FSIP2: variants seen among roughly 807,000 people sequenced by gnomAD.
FSIP2 encodes fibrous sheath-interacting protein 2.
In FSIP2, 367 loss-of-function variants were observed where a neutral mutation model predicts 510.5. The ratio of observed to expected loss-of-function variants is 0.72; its 90% CI spans 0.66 to 0.78. FSIP2 has a LOEUF of 0.78. Among genes scored for constraint, FSIP2 ranks in the 30% least tolerant of loss-of-function variants. The pLI is 0.00. For synonymous variants in FSIP2, 2,601 were observed against 2,732.2 expected, an observed-to-expected ratio of 0.95 and a Z score of 1.50; for missense variants, 7,594 against 7,901.7, an observed-to-expected ratio of 0.96 and a Z score of 1.48.
At chr2:185,785,248 C>A (rs917036938) in intron 14 of FSIP2, among the ~76,000 whole-genome samples, 1 of 152,034 alleles carries the variant, frequency 6.6e-6, no homozygotes, top group Non-Finnish European at 1.5e-5. Context: ...GAGAACATGT[C>A]ACTGACATCA....
chr2:185,756,252 AC>A lies in FSIP2; in HGVS notation c.1054del (p.Gln352ArgfsTer44). On this transcript the variant is annotated frameshift_variant, in exon 9 of 23. Coordinates refer to ENST00000424728, the MANE Select transcript of FSIP2 (RefSeq NM_173651.4). LOFTEE classifies it high-confidence loss of function. ...EDIMLVYPAGDQNTYKETHGH... is the reference protein window; with the variant it reads ...EDIMLVYPAGXQNTYKETHGH... Reference sequence around the variant, plus strand: ...ATAATGTTAGTTTATCCTGCTGGAGACCAGAATACATATAAAGAAACACATG... The same window carrying A: ...ATAATGTTAGTTTATCCTGCTGGAGACAGAATACATATAAAGAAACACATG... 1 of 1,315,624 alleles carries A rather than the reference AC, an allele frequency of 7.6e-7. No individual in the cohort carries two copies. Among genetic ancestry groups the A allele is most frequent in the Non-Finnish European group, 1.0e-6 (1 of 968,064 alleles). 81.5% of individuals were successfully genotyped at this position (1,315,624 alleles called of 1,614,324 possible).
At chr2:185,753,605 C>T (rs1052470736) in intron 7 of FSIP2, 117 bp from the exon 8 acceptor site, 4 of 502,886 alleles carry the variant, frequency 8.0e-6, no homozygotes, top group Non-Finnish European at 1.3e-5. Flanking sequence ...TGTACCATTA[C>T]AAATCAAGAC....
rs1409183278 is a variant in FSIP2, at chr2:185,790,014, C to T, written c.2878C>T (p.Pro960Ser). ...VNESFQKSRQ[P>S]RISSPSDTKE... ...TGAAAGTTTTCAAAAAAGTAGGCAA[C>T]CTAGAATAAGTAGTCCTTCTGACAC... Residue 960 changes from proline (P) to serine (S), a missense_variant, in exon 16 of 23, where the codon CCT becomes TCT. Coordinates refer to ENST00000424728, the MANE Select transcript of FSIP2 (RefSeq NM_173651.4). The T allele has an allele frequency of 1.3e-6, 2 of 1,533,878 alleles. No individual in the cohort carries two copies. Among genetic ancestry groups the T allele is most frequent in the Non-Finnish European group, 1.7e-6 (2 of 1,145,542 alleles).
Position 185,801,154 on chromosome 2 carries a change from A to T in FSIP2, c.11848A>T (p.Lys3950Ter), listed in dbSNP as rs969025631. The T allele has an allele frequency of 3.9e-6, 6 of 1,533,922 alleles. No individual in the cohort carries two copies. The East Asian group carries it at 1.5e-4, about 38-fold the overall frequency. The change falls in exon 17 of 23, where the codon AAG (lysine) becomes TAG (stop). Residue 3950 changes from lysine to a stop codon, truncating the protein, a stop_gained. Transcript: ENST00000424728. LOFTEE classifies it high-confidence loss of function. ...SVSPFERQRT[K>*]EMDKVAIHNK... ...GTCACCTTTTGAAAGACAGAGAACAAAGGAAATGGATAAGGTAGCCATTCA... is the reference window on the plus strand; with the variant it reads ...GTCACCTTTTGAAAGACAGAGAACATAGGAAATGGATAAGGTAGCCATTCA...
At position 185,793,185 on chromosome 2, in the gene FSIP2, G is replaced by C. The variant is rs753045240; in HGVS notation, c.6049G>C (p.Glu2017Gln). 47 of 1,533,886 alleles carry C rather than the reference G, an allele frequency of 3.1e-5. No individual in the cohort carries two copies. The East Asian group carries it at 1.2e-3, about 38-fold the overall frequency. ...ARRNLQGIKQ[E>Q]LDKERENPFL... ...AAGAAATTTACAAGGAATCAAACAGGAATTAGATAAAGAAAGGGAAAATCC... is the reference window on the plus strand; with the variant it reads ...AAGAAATTTACAAGGAATCAAACAGCAATTAGATAAAGAAAGGGAAAATCC... The change falls in exon 16 of 23, where the codon GAA (glutamate) becomes CAA (glutamine). Residue 2017 changes from glutamate to glutamine, a missense_variant. Coordinates refer to ENST00000424728, the MANE Select transcript of FSIP2 (RefSeq NM_173651.4).
At position 185,806,616 on chromosome 2, in the gene FSIP2, T is replaced by A; in HGVS notation, c.17310T>A (p.Asp5770Glu). 1 of 1,608,758 alleles carries A rather than the reference T, an allele frequency of 6.2e-7. No individual in the cohort carries two copies. Among genetic ancestry groups the A allele is most frequent in the Non-Finnish European group, 8.5e-7 (1 of 1,178,046 alleles). The change falls in exon 17 of 23, where the codon GAT becomes GAA. Residue 5770 changes from aspartate (D) to glutamate (E), a missense_variant. By Grantham distance (45) the Asp-to-Glu change is conservative. Coordinates refer to ENST00000424728, the MANE Select transcript of FSIP2 (RefSeq NM_173651.4). ...EIKSEPSKPDDPQNQRESKPG... is the reference protein window; with the variant it reads ...EIKSEPSKPDEPQNQRESKPG... Reference sequence around the variant, plus strand: ...AAAGTGAACCCAGTAAACCAGATGATCCTCAAAACCAACGAGAAAGTAAAC... The same window carrying A: ...AAAGTGAACCCAGTAAACCAGATGAACCTCAAAACCAACGAGAAAGTAAAC...
Position 185,803,307 on chromosome 2 carries a change from G to A in FSIP2, c.14001G>A (p.Gly4667=). 1 of 1,528,090 alleles carries A rather than the reference G, an allele frequency of 6.5e-7. No homozygotes were observed. Among genetic ancestry groups the A allele is most frequent in the South Asian group, 1.2e-5 (1 of 82,588 alleles). 94.7% of individuals were successfully genotyped at this position (1,528,090 alleles called of 1,614,324 possible). Residue 4667 remains glycine, a synonymous_variant, in exon 17 of 23, where the codon GGG becomes GGA. Transcript: ENST00000424728. ...AAGAACTCATACATTTGATTACAGG[G>A]GAATTCTCAAAAGCCCAAGTTAGCA... is the stretch of plus-strand genomic sequence containing the variant. ...KAEELIHLIT[G]EFSKAQVSII... is the part of the protein sequence containing the mutation.
chr2:185,787,074 C>A (rs1222290323), intron 15 of FSIP2, among the ~76,000 whole-genome samples: 1 of 151,678 alleles, frequency 6.6e-6, no homozygotes, highest in African/African-American at 2.4e-5. Flanking sequence ...TGTTTATCAT[C>A]TCCAGTAATA....
At chr2:185,824,619 C>T in intron 20 of FSIP2, 139 bp downstream of exon 20, 1 of 598,348 alleles carries the variant, frequency 1.7e-6, no homozygotes, top group Admixed American at 3.5e-5. Flanking sequence ...CCAGTATTAC[C>T]TCATTCAGGT....
At chr2:185,770,430 C>T (rs913951254) in intron 13 of FSIP2, among the ~76,000 whole-genome samples, 3 of 152,126 alleles carry the variant, frequency 2.0e-5, no homozygotes, top group Non-Finnish European at 4.4e-5. Context: ...GAAGCTTCCA[C>T]TCATGGCAGA....
At chr2:185,738,451 G>C (rs1298831659), upstream of FSIP2, 1 of 674,020 alleles carries the variant, frequency 1.5e-6, no homozygotes, top group Non-Finnish European at 2.5e-6. Context: ...TGGGAGCCTG[G>C]GGATGGGGTG....
intron 7 of FSIP2, among the ~76,000 whole-genome samples, chr2:185,751,486 T>TGTGTGTGTGTGCGC (rs1692146768): frequency 6.7e-6 from 1 of 149,566 alleles, no homozygotes; most frequent in Non-Finnish European, 1.5e-5. Context: ...TGTGTGTGTG[T>TGTGTGTGTGTGCGC]GTGTGTGTGT....
At chr2:185,821,479 A>G (rs1237367827) in intron 19 of FSIP2, among the ~76,000 whole-genome samples, 1 of 152,000 alleles carries the variant, frequency 6.6e-6, no homozygotes, top group East Asian at 1.9e-4. Flanking sequence ...GACTGCAAGA[A>G]AACACTACAG....
rs1693601906 is a variant in FSIP2 at position 185,807,161 on chromosome 2, C to T, written c.17855C>T (p.Ala5952Val). 6 of 1,602,318 alleles carry T rather than the reference C, an allele frequency of 3.7e-6. No individual in the cohort carries two copies. Among genetic ancestry groups the T allele is most frequent in the Non-Finnish European group, 5.1e-6 (6 of 1,175,760 alleles). The change falls in exon 17 of 23, where the codon GCA (alanine) becomes GTA (valine). Residue 5952 changes from alanine to valine, a missense_variant. Coordinates refer to ENST00000424728, the MANE Select transcript of FSIP2 (RefSeq NM_173651.4). ...GENLARRLTS[A>V]VINEIFQRQV... is the part of the protein sequence containing the mutation. Reference sequence around the variant, plus strand: ...AATTTAGCAAGAAGACTAACTAGTGCAGTGATAAATGAAATTTTCCAACGT... The same window carrying T: ...AATTTAGCAAGAAGACTAACTAGTGTAGTGATAAATGAAATTTTCCAACGT...
intron 7 of FSIP2, among the ~76,000 whole-genome samples, chr2:185,753,243 C>G (rs1273837979): frequency 6.6e-6 from 1 of 151,304 alleles, no homozygotes; most frequent in South Asian, 2.1e-4. Context: ...CTAAATACTG[C>G]AAGAACCCTC....
At position 185,747,339 on chromosome 2, in the gene FSIP2, T is replaced by C; in HGVS notation, c.786T>C (p.Leu262=). 6.5e-7 allele frequency: 1 copy of C among 1,530,910 alleles called. No individual in the cohort carries two copies. Among genetic ancestry groups the C allele is most frequent in the Non-Finnish European group, 8.8e-7 (1 of 1,142,278 alleles). The allele number at this position is 1,530,910 out of a possible 1,614,324, so 94.8% of individuals were successfully genotyped here. Reference sequence around the variant, plus strand: ...AATGGAAGACAAAAGAGATGTTACTTCTGACAAGGATGGCAGAAGATGTTA... The same window carrying C: ...AATGGAAGACAAAAGAGATGTTACTCCTGACAAGGATGGCAGAAGATGTTA... ...EEEWKTKEML[L]LTRMAEDVKR... The change falls in exon 7 of 23, where the codon CTT becomes CTC. Residue 262 remains leucine (L), a synonymous_variant. Transcript: ENST00000424728.
At chr2:185,815,328 C>A (rs1487077213) in intron 18 of FSIP2, 43 bp from the exon 19 acceptor site, 2 of 880,844 alleles carry the variant, frequency 2.3e-6, no homozygotes, top group Non-Finnish European at 3.7e-6. Flanking sequence ...GAAAATATAT[C>A]CCAAACTCCA....
chr2:185,791,456 A>G lies in FSIP2; in HGVS notation c.4320A>G (p.Leu1440=), dbSNP rs1156704122. ...TGTTAGAAAGAATTGGGGAAACACTACATGAAATGTTAAGCAAGCTCCTGG... is the reference window on the plus strand; with the variant it reads ...TGTTAGAAAGAATTGGGGAAACACTGCATGAAATGTTAAGCAAGCTCCTGG... ...LQVLERIGET[L]HEMLSKLLGT... is the part of the protein sequence containing the mutation. Residue 1440 remains leucine, a synonymous_variant, in exon 16 of 23, where the codon CTA becomes CTG. Coordinates refer to ENST00000424728, the MANE Select transcript of FSIP2 (RefSeq NM_173651.4). The G allele has an allele frequency of 4.6e-6, 7 of 1,534,236 alleles. No individual in the cohort carries two copies. Among genetic ancestry groups the G allele is most frequent in the Non-Finnish European group, 6.1e-6 (7 of 1,145,584 alleles).
Position 185,801,210 on chromosome 2 carries a change from T to G in FSIP2, c.11904T>G (p.Ala3968=), listed in dbSNP as rs1285431688. 1 of 1,534,368 alleles carries G rather than the reference T, an allele frequency of 6.5e-7. No individual in the cohort carries two copies. Among genetic ancestry groups the G allele is most frequent in the Non-Finnish European group, 8.7e-7 (1 of 1,145,648 alleles). Reference sequence around the variant, plus strand: ...AGCTACATCAGGAAGGTATATATGCTGGTGTTTATTCAGCCACATTTTTGG... The same window carrying G: ...AGCTACATCAGGAAGGTATATATGCGGGTGTTTATTCAGCCACATTTTTGG... ...HNKLHQEGIY[A]GVYSATFLEG... is the part of the protein sequence containing the mutation. Residue 3968 remains alanine (A), a synonymous_variant, in exon 17 of 23, where the codon GCT becomes GCG. Transcript: ENST00000424728.
Sources: allele counts gnomAD v4.1 joint callset (sites outside exome capture counted in the v4.1 genomes callset), GRCh38; gene constraint gnomAD v4.1.1; transcripts MANE v1.5; gene names NCBI Gene and HGNC (gene_info 2026-07-23, HGNC 2026-07-21).